The following CNTNAP2 variants were observed in gnomAD, a reference collection of about 807,000 sequenced individuals.
CNTNAP2 encodes contactin-associated protein-like 2.
A neutral mutation model predicts 155.2 loss-of-function variants in CNTNAP2; 98 were observed. The observed-to-expected ratio is 0.63, with a 90% CI of 0.54 to 0.75. The LOEUF (loss-of-function observed/expected upper bound fraction) is 0.75. Among genes scored for constraint, CNTNAP2 ranks in the 30% least tolerant of loss-of-function variants. The pLI is 0.00. For synonymous variants in CNTNAP2, 651 were observed against 631.2 expected (o/e 1.03, Z -0.47); for missense variants, 1,727 against 1,688.1 (o/e 1.02, Z -0.40).
intron 3 of CNTNAP2, among the ~76,000 whole-genome samples, chr7:146,944,020 TC>T (rs1221264211): frequency 6.6e-6 from 1 of 152,120 alleles, no homozygotes; most frequent in Non-Finnish European, 1.5e-5. Context: ...TTTATATTTC[TC>T]TCAACTGCAA....
chr7:147,071,584 A>G (rs1799892584), intron 4 of CNTNAP2, among the ~76,000 whole-genome samples: 1 of 152,206 alleles, frequency 6.6e-6, no homozygotes, highest in East Asian at 1.9e-4. Flanking sequence ...ATCAGTGAAT[A>G]CTTGATAGGG....
chr7:147,670,903 C>T (rs1054665252), intron 13 of CNTNAP2, among the ~76,000 whole-genome samples: 1 of 152,220 alleles, frequency 6.6e-6, no homozygotes, highest in African/African-American at 2.4e-5. Flanking sequence ...CAGCTGTTAA[C>T]ACTCAAGCCG....
At position 148,061,954 on chromosome 7, in the gene CNTNAP2, TATAGATAGATAGATAGATAGATAG is replaced by T. The variant is rs10535597; in HGVS notation, c.2384-56133_2384-56110del. Among the ~76,000 whole-genome samples the T allele has an allele frequency of 4.4e-4, 42 of 95,968 alleles. 1 individual carries two copies. Among genetic ancestry groups the T allele is most frequent in the African/African-American group, 1.4e-3 (33 of 24,172 alleles). The allele number at this position is 95,968 out of a possible 152,430, so 63.0% of individuals were successfully genotyped here. On this transcript the variant is annotated intron_variant, in intron 15 of 23. Transcript: ENST00000361727. ...ATAGATAGATAGATAGATAAACAGA[TATAGATAGATAGATAGATAGATAG>T]ATAGATAGATAGATAGATAGATAGA... is the stretch of plus-strand genomic sequence containing the variant.
At chr7:148,284,910 A>G (rs763594041) in intron 21 of CNTNAP2, among the ~76,000 whole-genome samples, 1 of 152,248 alleles carries the variant, frequency 6.6e-6, no homozygotes, top group Non-Finnish European at 1.5e-5. Context: ...CAATAAGTCT[A>G]TGCTTTGAAT....
chr7:148,373,436 C>T (rs973599588), intron 21 of CNTNAP2, among the ~76,000 whole-genome samples: 6 of 152,152 alleles, frequency 3.9e-5, no homozygotes, highest in Admixed American at 2.0e-4. Context: ...GCCTGGACGA[C>T]AGAGCGAGAC....
chr7:146,501,979 C>T (rs1797306847), intron 1 of CNTNAP2, among the ~76,000 whole-genome samples: 1 of 151,926 alleles, frequency 6.6e-6, no homozygotes, highest in African/African-American at 2.4e-5. Flanking sequence ...TACCCATTAA[C>T]CAACCTCTCT....
intron 13 of CNTNAP2, among the ~76,000 whole-genome samples, chr7:147,878,583 T>C (rs577034006): frequency 1.3e-5 from 2 of 152,326 alleles, no homozygotes; most frequent in South Asian, 4.1e-4. Flanking sequence ...CTTTTATAGA[T>C]TTAGGAAATA....
At chr7:147,782,128 A>C (rs1797670563) in intron 13 of CNTNAP2, among the ~76,000 whole-genome samples, 1 of 152,198 alleles carries the variant, frequency 6.6e-6, no homozygotes, top group Non-Finnish European at 1.5e-5. Flanking sequence ...CTAATACCCA[A>C]TCAGAAGATT....
intron 6 of CNTNAP2, among the ~76,000 whole-genome samples, chr7:147,125,269 C>T (rs915609085): frequency 1.3e-5 from 2 of 152,102 alleles, no homozygotes; most frequent in African/African-American, 2.4e-5. Context: ...CCCGCCTCAG[C>T]CTCCCAAAAT....
At chr7:147,607,527 G>A (rs979820186) in intron 12 of CNTNAP2, among the ~76,000 whole-genome samples, 3 of 152,162 alleles carry the variant, frequency 2.0e-5, no homozygotes, top group African/African-American at 4.8e-5. Context: ...TCACAACCCC[G>A]TCAAGGGAAA....
intron 1 of CNTNAP2, among the ~76,000 whole-genome samples, chr7:146,131,594 C>T (rs1030400073): frequency 1.3e-5 from 2 of 152,100 alleles, no homozygotes; most frequent in Non-Finnish European, 2.9e-5. Flanking sequence ...TAATATGCAC[C>T]TTCAAATAGA....
At chr7:147,815,178 C>T (rs1023639400) in intron 13 of CNTNAP2, among the ~76,000 whole-genome samples, 1 of 152,136 alleles carries the variant, frequency 6.6e-6, no homozygotes, top group Admixed American at 6.5e-5. Context: ...TTTCCTATTG[C>T]TTCCATAATA....
intron 10 of CNTNAP2, among the ~76,000 whole-genome samples, chr7:147,430,813 G>A (rs577060578): frequency 2.0e-5 from 3 of 151,980 alleles, no homozygotes; most frequent in Admixed American, 6.6e-5. Context: ...ACCTGTAACC[G>A]CAGCACTTTG....
At chr7:146,812,445 A>ATATATATATATATATATATATATAT (rs1386547927) in intron 2 of CNTNAP2, among the ~76,000 whole-genome samples, 1 of 144,564 alleles carries the variant, frequency 6.9e-6, no homozygotes, top group African/African-American at 2.6e-5. Context: ...ATATATAAAA[A>ATATATATATATATATATATATATAT]ATATATATAT....
intron 12 of CNTNAP2, among the ~76,000 whole-genome samples, chr7:147,575,008 C>T (rs1025684792): frequency 6.6e-6 from 1 of 151,998 alleles, no homozygotes; most frequent in African/African-American, 2.4e-5. Context: ...AGTTAAGATT[C>T]AGCATTCTAC....
At chr7:146,681,222 C>G (rs10260447) in intron 1 of CNTNAP2, among the ~76,000 whole-genome samples, 1 of 151,032 alleles carries the variant, frequency 6.6e-6, no homozygotes, top group African/African-American at 2.4e-5. Context: ...TAAGTCATGG[C>G]TTGTCCAGAA....
chr7:147,902,902 T>C (rs984095280), intron 13 of CNTNAP2, among the ~76,000 whole-genome samples: 1 of 151,768 alleles, frequency 6.6e-6, no homozygotes, highest in Non-Finnish European at 1.5e-5. Flanking sequence ...TGCTTCCACA[T>C]TTTTGCAATG....
intron 12 of CNTNAP2, among the ~76,000 whole-genome samples, chr7:147,625,960 G>A (rs948593957): frequency 1.3e-5 from 2 of 152,142 alleles, no homozygotes; most frequent in African/African-American, 4.8e-5. Context: ...GGAGTCACAT[G>A]AAATATAAAA....
chr7:147,252,691 TATA>T (rs1425852930), intron 8 of CNTNAP2, among the ~76,000 whole-genome samples: 1 of 152,092 alleles, frequency 6.6e-6, no homozygotes, highest in Non-Finnish European at 1.5e-5. Context: ...CGATACTAAT[TATA>T]ATACCAAACT....
Sources: allele counts gnomAD v4.1 joint callset (sites outside exome capture counted in the v4.1 genomes callset), GRCh38; gene constraint gnomAD v4.1.1; transcripts MANE v1.5; gene names NCBI Gene and HGNC (gene_info 2026-07-23, HGNC 2026-07-21).